PGLYRP3: variants seen among roughly 807,000 people sequenced by gnomAD.
The protein encoded by PGLYRP3 is peptidoglycan recognition protein I alpha.
In PGLYRP3, 39 loss-of-function variants were observed where a neutral mutation model predicts 36.0. The ratio of observed to expected loss-of-function variants is 1.08; its 90% CI spans 0.84 to 1.41. PGLYRP3 has a LOEUF of 1.41. PGLYRP3 is among the 40% of genes most tolerant of loss of function. The pLI, the probability that PGLYRP3 is intolerant of heterozygous loss-of-function variation, is 0.00. For missense variants in PGLYRP3, 407 were observed against 427.9 expected (o/e 0.95, Z 0.43); for synonymous variants, 204 against 172.8 (o/e 1.18, Z -1.42).
At position 153,303,902 on chromosome 1, in the gene PGLYRP3, C is replaced by T; in HGVS notation, c.484G>A (p.Glu162Lys). 6.2e-7 allele frequency: 1 copy of T among 1,613,950 alleles called. No homozygotes were observed. Residue 162 changes from glutamate (E) to lysine (K), a missense_variant, in exon 5 of 8, where the codon GAA (glutamate) becomes AAA (lysine). Transcript: ENST00000683862. Reference protein sequence around the residue: ...PRYIQPLLLKEETCLDPQHPV... With the variant: ...PRYIQPLLLKKETCLDPQHPV... ...TGTTGAGGGTCCAGGCAGGTCTCTT[C>T]TTTCAGAAGAAGTGGCTGAATATAC...
At chr1:153,310,947 T>C (rs531408248) in intron 1 of PGLYRP3, among the ~76,000 whole-genome samples, 1 of 152,286 alleles carries the variant, frequency 6.6e-6, no homozygotes, top group Non-Finnish European at 1.5e-5. Context: ...CAACTCCTGG[T>C]TCCTCATAGA....
At chr1:153,300,271 GC>G (rs1659552774) in intron 6 of PGLYRP3, among the ~76,000 whole-genome samples, 1 of 151,974 alleles carries the variant, frequency 6.6e-6, no homozygotes, top group Admixed American at 6.6e-5. Context: ...AAACCCCACT[GC>G]TTATCCATGT....
rs1379189480 is a variant in PGLYRP3 at position 153,312,718 on chromosome 1, C to G, written c.-117G>C. ...GCCCCTGATTGGCCAGCAGCTCCTT[C>G]CCTTCCAGACTTGGCCTCCAGGACC... On this transcript the variant is annotated 5_prime_UTR_variant, in exon 1 of 8. Transcript: ENST00000683862. 6.6e-6 allele frequency among the ~76,000 whole-genome samples: 1 copy of G among 152,182 alleles called. No homozygotes were observed. Among genetic ancestry groups the G allele is most frequent in the Admixed American group, 6.5e-5 (1 of 15,280 alleles).
chr1:153,304,542 A>G (rs1156610667), intron 4 of PGLYRP3, among the ~76,000 whole-genome samples: 2 of 152,200 alleles, frequency 1.3e-5, no homozygotes, highest in African/African-American at 4.8e-5. Context: ...TCTAGGGGCT[A>G]GAAGCCTGCA....
rs1198275550 is a variant in PGLYRP3 at position 153,303,724 on chromosome 1, C to A, written c.529+133G>T. ...GATGCCCTCTCAGAATTTTCCAGAT[C>A]TCAAAGTAGGCATGAGATGTTCTTA... is the stretch of plus-strand genomic sequence containing the variant. On this transcript the variant is annotated intron_variant, in intron 5 of 7. Coordinates refer to ENST00000683862, the MANE Select transcript of PGLYRP3 (RefSeq NM_052891.3). 11 of 1,095,258 alleles carry A rather than the reference C, an allele frequency of 1.0e-5. No homozygotes were observed. The East Asian group carries it at 2.7e-4, about 27-fold the overall frequency. 67.8% of individuals were successfully genotyped at this position (1,095,258 alleles called of 1,614,324 possible).
chr1:153,312,649 G>C lies in PGLYRP3; in HGVS notation c.-48C>G, dbSNP rs1659924765. 6.6e-6 allele frequency among the ~76,000 whole-genome samples: 1 copy of C among 151,684 alleles called. No homozygotes were observed. The highest frequency in any genetic ancestry group is 1.5e-5 in the Non-Finnish European group (1 of 67,938). On this transcript the variant is annotated 5_prime_UTR_variant, in exon 1 of 8. Coordinates refer to ENST00000683862, the MANE Select transcript of PGLYRP3 (RefSeq NM_052891.3). The stretch of plus-strand genomic sequence containing the variant: ...CACTCAAACTCACAGATACCTGTGG[G>C]TTCTGTGCTGTTCCAGCCCAGCAGG...
chr1:153,303,580 C>T (rs779446248), intron 5 of PGLYRP3, among the ~76,000 whole-genome samples: 4 of 152,236 alleles, frequency 2.6e-5, no homozygotes, highest in Non-Finnish European at 5.9e-5. Context: ...GTACTTAGAA[C>T]AGTGCCTGCT....
intron 2 of PGLYRP3, among the ~76,000 whole-genome samples, chr1:153,307,609 G>A (rs1659777753): frequency 6.6e-6 from 1 of 152,112 alleles, no homozygotes; most frequent in Non-Finnish European, 1.5e-5. Flanking sequence ...CCCACCCTGG[G>A]GCTCTGAGCT....
At chr1:153,299,784 A>G (rs1007432950) in intron 6 of PGLYRP3, among the ~76,000 whole-genome samples, 2 of 152,200 alleles carry the variant, frequency 1.3e-5, no homozygotes, top group Non-Finnish European at 2.9e-5. Flanking sequence ...AAATTTATCC[A>G]GCTAGAAAAT....
intron 6 of PGLYRP3, 57 bp from the exon 7 acceptor site, chr1:153,299,288 T>C: frequency 4.0e-6 from 5 of 1,236,014 alleles, no homozygotes; most frequent in Non-Finnish European, 5.9e-6. Context: ...ATTTAAATAC[T>C]TCATTCACTC....
intron 6 of PGLYRP3, among the ~76,000 whole-genome samples, chr1:153,302,086 A>G (rs915489900): frequency 6.6e-6 from 1 of 152,228 alleles, no homozygotes; most frequent in African/African-American, 2.4e-5. Flanking sequence ...TGTCTCTGAC[A>G]GGTTAGAAGG....
chr1:153,311,019 G>A (rs2987760), intron 1 of PGLYRP3, among the ~76,000 whole-genome samples: 62,463 of 151,908 alleles, frequency 0.41, 13,378 homozygotes, highest in Non-Finnish European at 0.47. Flanking sequence ...AATCCTCAAG[G>A]TAGCTGTTAT....
In PGLYRP3 at chr1:153,304,701, C is replaced by T. The variant is rs114614507; in HGVS notation, c.376+246G>A. Among the ~76,000 whole-genome samples the T allele has an allele frequency of 2.5e-3, 381 of 152,298 alleles. 1 individual carries two copies. The highest frequency in any genetic ancestry group is 7.9e-3 in the African/African-American group (328 of 41,574). ...AGACTTTAGAAGTGACAGCAATAAC[C>T]GTGAGCTCAAGCAACGCCCATGCAA... is the stretch of plus-strand genomic sequence containing the variant. On this transcript the variant is annotated intron_variant, in intron 4 of 7. Transcript: ENST00000683862.
chr1:153,297,351 G>C lies in PGLYRP3; in HGVS notation c.*605C>G, dbSNP rs11205266. Among the ~76,000 whole-genome samples, 6 of 148,530 alleles carry C rather than the reference G, an allele frequency of 4.0e-5. No homozygotes were observed. In the South Asian group the frequency reaches 1.3e-3, roughly 32 times the overall value. On this transcript the variant is annotated 3_prime_UTR_variant, in exon 8 of 8. Coordinates refer to ENST00000683862, the MANE Select transcript of PGLYRP3 (RefSeq NM_052891.3). ...ACCAGTCCATGTGTGAGCAGAGAGG[G>C]GGGGTGGGCACACTGACCTAGGTCA...
intron 3 of PGLYRP3, among the ~76,000 whole-genome samples, chr1:153,305,269 A>G (rs1188025859): frequency 6.6e-6 from 1 of 152,194 alleles, no homozygotes; most frequent in African/African-American, 2.4e-5. Flanking sequence ...TTTAGCTTGC[A>G]TGTGTTTTCC....
In PGLYRP3 at chr1:153,303,717, T is replaced by C. The variant is rs777801823; in HGVS notation, c.529+140A>G. The C allele has an allele frequency of 1.7e-4, 173 of 1,009,384 alleles. 1 individual carries two copies. Among genetic ancestry groups the C allele is most frequent in the Non-Finnish European group, 2.3e-4 (165 of 705,052 alleles). 62.5% of individuals were successfully genotyped at this position (1,009,384 alleles called of 1,614,324 possible). A position where few individuals can be genotyped will look rare whatever the true frequency, so the allele number is the denominator to read the frequency against. ...CCAGGAAGATGCCCTCTCAGAATTT[T>C]CCAGATCTCAAAGTAGGCATGAGAT... On this transcript the variant is annotated intron_variant, in intron 5 of 7. Coordinates refer to ENST00000683862, the MANE Select transcript of PGLYRP3 (RefSeq NM_052891.3).
At chr1:153,309,612 G>T (rs1659846721) in intron 2 of PGLYRP3, among the ~76,000 whole-genome samples, 1 of 152,204 alleles carries the variant, frequency 6.6e-6, no homozygotes, top group Non-Finnish European at 1.5e-5. Flanking sequence ...TCCAAGGTGT[G>T]CTGGAGAGAC....
intron 2 of PGLYRP3, among the ~76,000 whole-genome samples, chr1:153,308,742 G>A (rs909186547): frequency 5.3e-5 from 8 of 152,282 alleles, no homozygotes; most frequent in South Asian, 4.1e-4. Flanking sequence ...GTCACCTAAC[G>A]TCTTCTAGCA....
intron 2 of PGLYRP3, among the ~76,000 whole-genome samples, chr1:153,308,624 A>G (rs1347968295): frequency 3.9e-5 from 6 of 152,186 alleles, no homozygotes; most frequent in African/African-American, 7.2e-5. Context: ...ATCCCCTGCA[A>G]GAGAGCACTG....
Sources: allele counts gnomAD v4.1 joint callset (sites outside exome capture counted in the v4.1 genomes callset), GRCh38; gene constraint gnomAD v4.1.1; transcripts MANE v1.5; gene names NCBI Gene and HGNC (gene_info 2026-07-23, HGNC 2026-07-21).